The following UNC13C variants were observed in gnomAD, a reference collection of about 807,000 sequenced individuals.
UNC13C encodes protein unc-13 homolog C.
UNC13C carries 174 observed loss-of-function variants against 245.4 expected under a neutral mutation model. The observed-to-expected ratio is 0.71, with a 90% CI of 0.63 to 0.80. The LOEUF is 0.80. Ranked by LOEUF, UNC13C falls within the 30% of genes least tolerant of loss-of-function variation. The pLI is 0.00. For synonymous variants in UNC13C, 992 were observed against 895.1 expected, an observed-to-expected ratio of 1.11 and a Z score of -1.93; for missense variants, 2,829 against 2,602.9, an observed-to-expected ratio of 1.09 and a Z score of -1.89.
At chr15:54,335,684 T>A (rs1004823821) in intron 16 of UNC13C, among the ~76,000 whole-genome samples, 1 of 152,314 alleles carries the variant, frequency 6.6e-6, no homozygotes, top group East Asian at 1.9e-4. Flanking sequence ...TGGTGTTGAA[T>A]GTATCAACAA....
chr15:54,025,487 A>G (rs1896071689), intron 2 of UNC13C, among the ~76,000 whole-genome samples: 1 of 152,218 alleles, frequency 6.6e-6, no homozygotes, highest in Admixed American at 6.5e-5. Flanking sequence ...TATGGATGTG[A>G]AACAGAAATA....
At chr15:53,950,908 T>A in the UNC13C span, among the ~76,000 whole-genome samples, 2 of 152,168 alleles carry the variant, frequency 1.3e-5, no homozygotes, top group African/African-American at 4.8e-5. Context: ...TTCAGGTCTT[T>A]TTGTAACAAC....
At chr15:54,094,416 T>G (rs1443543002) in intron 2 of UNC13C, among the ~76,000 whole-genome samples, 1 of 152,178 alleles carries the variant, frequency 6.6e-6, no homozygotes, top group Non-Finnish European at 1.5e-5. Flanking sequence ...CCTTCAAAGC[T>G]AAGACAGTAT....
intron 2 of UNC13C, among the ~76,000 whole-genome samples, chr15:54,063,799 A>G (rs1191921557): frequency 2.0e-5 from 3 of 152,188 alleles, no homozygotes; most frequent in African/African-American, 7.2e-5. Flanking sequence ...AATGGGATAT[A>G]GCACAAAAGC....
chr15:54,289,517 C>G (rs897424924), intron 10 of UNC13C, among the ~76,000 whole-genome samples: 3 of 152,018 alleles, frequency 2.0e-5, no homozygotes, highest in Non-Finnish European at 1.5e-5. Flanking sequence ...CTGTTACTTG[C>G]CACTCCCTTC....
At chr15:53,938,134 G>T in the UNC13C span, among the ~76,000 whole-genome samples, 1 of 151,986 alleles carries the variant, frequency 6.6e-6, no homozygotes, top group East Asian at 1.9e-4. Flanking sequence ...GTCTTCAAGA[G>T]ACCCATCTCA....
intron 13 of UNC13C, among the ~76,000 whole-genome samples, chr15:54,313,659 G>T (rs1044798913): frequency 4.6e-5 from 7 of 151,634 alleles, no homozygotes; most frequent in Non-Finnish European, 7.4e-5. Context: ...ACTTATTGGG[G>T]AATAAGTCAA....
intron 19 of UNC13C, among the ~76,000 whole-genome samples, chr15:54,455,262 G>T (rs1371182068): frequency 1.4e-4 from 17 of 121,890 alleles, no homozygotes; most frequent in Non-Finnish European, 3.3e-5. Flanking sequence ...CTCATTGGTA[G>T]ATGGGCATTT....
chr15:54,275,896 T>A (rs1282747370), intron 10 of UNC13C, among the ~76,000 whole-genome samples: 1 of 152,118 alleles, frequency 6.6e-6, no homozygotes, highest in Non-Finnish European at 1.5e-5. Flanking sequence ...AATAGGTGAA[T>A]AGATATAAGT....
intron 19 of UNC13C, among the ~76,000 whole-genome samples, chr15:54,459,382 C>T (rs939510963): frequency 2.0e-5 from 3 of 152,102 alleles, no homozygotes; most frequent in Non-Finnish European, 2.9e-5. Context: ...TAGGTGATGA[C>T]CTTTTTGTGA....
chr15:53,974,405 C>T (rs781677146), upstream of UNC13C, among the ~76,000 whole-genome samples: 1 of 152,308 alleles, frequency 6.6e-6, no homozygotes, highest in Non-Finnish European at 1.5e-5. Context: ...CACTCATCAA[C>T]CTACCTTTTA....
At chr15:54,205,620 C>T (rs2034684137) in intron 4 of UNC13C, among the ~76,000 whole-genome samples, 1 of 151,994 alleles carries the variant, frequency 6.6e-6, no homozygotes, top group African/African-American at 2.4e-5. Flanking sequence ...CACCATTTAG[C>T]CCCAGTTCTG....
the UNC13C span, among the ~76,000 whole-genome samples, chr15:53,881,000 T>C: frequency 6.6e-6 from 1 of 152,272 alleles, no homozygotes; most frequent in African/African-American, 2.4e-5. Context: ...ACCCTTTTTC[T>C]GTATTGCCCC....
rs766122185 is a variant in UNC13C at position 54,143,029 on chromosome 15, G to A, written c.2995G>A (p.Val999Met). The A allele has an allele frequency of 8.7e-5, 141 of 1,611,584 alleles. 1 individual carries two copies. The highest frequency in any genetic ancestry group is 6.6e-4 in the Middle Eastern group (4 of 6,080). Residue 999 changes from valine to methionine, a missense_variant, in exon 3 of 33, where the codon GTG becomes ATG. Transcript: ENST00000260323. ...TGATTCTCTTTCAGATAGCAGTTCT[G>A]TGGATGAAAAGGTTTTAAATCATAC... is the stretch of plus-strand genomic sequence containing the variant. ...EKILAGDSSS[V>M]DEKARIVSGN...
At chr15:54,305,471 G>A (rs1231897477) in intron 13 of UNC13C, among the ~76,000 whole-genome samples, 1 of 151,796 alleles carries the variant, frequency 6.6e-6, no homozygotes, top group African/African-American at 2.4e-5. Context: ...TGTAACTTGA[G>A]CCCTAAGCTA....
At chr15:54,253,696 G>A (rs2140872233) in intron 8 of UNC13C, among the ~76,000 whole-genome samples, 1 of 152,306 alleles carries the variant, frequency 6.6e-6, no homozygotes, top group East Asian at 1.9e-4. Context: ...TAAGGAACTT[G>A]CTGTAGCACC....
At chr15:53,969,155 G>A in the UNC13C span, among the ~76,000 whole-genome samples, 3 of 152,254 alleles carry the variant, frequency 2.0e-5, no homozygotes, top group South Asian at 6.2e-4. Context: ...CACAGCAGGG[G>A]AAAGTGATTG....
At chr15:54,289,301 C>A (rs2037230326) in intron 10 of UNC13C, among the ~76,000 whole-genome samples, 1 of 151,978 alleles carries the variant, frequency 6.6e-6, no homozygotes, top group Non-Finnish European at 1.5e-5. Flanking sequence ...TAATCACTTG[C>A]CAACATTCTG....
intron 4 of UNC13C, among the ~76,000 whole-genome samples, chr15:54,145,880 A>G (rs1472562181): frequency 3.3e-5 from 5 of 152,244 alleles, no homozygotes; most frequent in Non-Finnish European, 7.3e-5. Flanking sequence ...TGTTAAGCAC[A>G]TGCAGTATAA....
Sources: allele counts gnomAD v4.1 joint callset (sites outside exome capture counted in the v4.1 genomes callset), GRCh38; gene constraint gnomAD v4.1.1; transcripts MANE v1.5; gene names NCBI Gene and HGNC (gene_info 2026-07-23, HGNC 2026-07-21).